The following AP3B1 variants were observed in gnomAD, a reference collection of about 807,000 sequenced individuals.
AP3B1 encodes the protein adaptor related protein complex 3 subunit beta 1, also known as AP-3 complex subunit beta-1.
A neutral mutation model predicts 132.5 loss-of-function variants in AP3B1; 61 were observed. The observed-to-expected ratio is 0.46, with a 90% CI of 0.37 to 0.57. The LOEUF is 0.57. AP3B1 is among the 20% of genes least tolerant of loss of function. The probability of loss-of-function intolerance (pLI) is 0.00; values close to 1 mark genes in which losing one functional copy is unlikely to be tolerated. For synonymous variants in AP3B1, 388 were observed against 438.3 expected, an observed-to-expected ratio of 0.89 and a Z score of 1.43; for missense variants, 1,120 against 1,289.4, an observed-to-expected ratio of 0.87 and a Z score of 2.01.
intron 14 of AP3B1, among the ~76,000 whole-genome samples, chr5:78,154,680 AG>A (rs1354840436): frequency 6.6e-6 from 1 of 152,076 alleles, no homozygotes; most frequent in East Asian, 1.9e-4. Flanking sequence ...GTATTTTCAA[AG>A]AGCCTGTCTT....
intron 21 of AP3B1, among the ~76,000 whole-genome samples, chr5:78,097,907 G>A (rs1336127906): frequency 6.6e-6 from 1 of 152,234 alleles, no homozygotes; most frequent in African/African-American, 2.4e-5. Flanking sequence ...GGTAGACATG[G>A]GAGACTTTTC....
intron 13 of AP3B1, among the ~76,000 whole-genome samples, chr5:78,160,848 C>T (rs1743360156): frequency 6.6e-6 from 1 of 151,820 alleles, no homozygotes; most frequent in Admixed American, 6.6e-5. Context: ...ATTTGTTTTA[C>T]CTCTCACTTT....
chr5:78,062,912 GC>G (rs1205417911), intron 22 of AP3B1, among the ~76,000 whole-genome samples: 1 of 152,236 alleles, frequency 6.6e-6, no homozygotes, highest in East Asian at 1.9e-4. Context: ...ATTATGATGG[GC>G]CCCACTCAAT....
chr5:78,197,024 T>C (rs967980965), intron 7 of AP3B1, among the ~76,000 whole-genome samples: 3 of 152,306 alleles, frequency 2.0e-5, no homozygotes, highest in Non-Finnish European at 4.4e-5. Context: ...CTGTGGACTT[T>C]GGGTGACAAC....
chr5:78,099,404 G>A (rs1467564493), intron 21 of AP3B1, among the ~76,000 whole-genome samples: 1 of 152,114 alleles, frequency 6.6e-6, no homozygotes, highest in Non-Finnish European at 1.5e-5. Flanking sequence ...TGTGACAAAT[G>A]CATAAAAACA....
At chr5:78,135,171 T>C (rs760601716) in intron 15 of AP3B1, among the ~76,000 whole-genome samples, 28 of 152,178 alleles carry the variant, frequency 1.8e-4, no homozygotes, top group Non-Finnish European at 3.7e-4. Context: ...CAGTGTGATT[T>C]ACAAAATCTC....
chr5:78,097,287 G>C (rs1172079691), intron 21 of AP3B1, among the ~76,000 whole-genome samples: 2 of 112,110 alleles, frequency 1.8e-5, no homozygotes, highest in African/African-American at 7.6e-5. Context: ...AGGGAGGTGG[G>C]GGGGTCAGCC....
At chr5:78,180,889 T>C (rs1260741403) in intron 8 of AP3B1, among the ~76,000 whole-genome samples, 2 of 151,932 alleles carry the variant, frequency 1.3e-5, no homozygotes, top group Admixed American at 1.3e-4. Flanking sequence ...ATTGTGCACA[T>C]GTATTCTTCT....
At chr5:78,067,085 C>T (rs756565997) in intron 22 of AP3B1, among the ~76,000 whole-genome samples, 30 of 152,100 alleles carry the variant, frequency 2.0e-4, no homozygotes, top group South Asian at 1.5e-3. Context: ...ATCTACCAAA[C>T]AAATGAAAAG....
chr5:78,029,945 T>C (rs1747501312), intron 24 of AP3B1, among the ~76,000 whole-genome samples: 1 of 152,204 alleles, frequency 6.6e-6, no homozygotes, highest in Admixed American at 6.5e-5. Flanking sequence ...AATTCTCTTC[T>C]CAGACATAAC....
intron 26 of AP3B1, among the ~76,000 whole-genome samples, chr5:78,010,643 A>G (rs1340589987): frequency 6.6e-6 from 1 of 152,148 alleles, no homozygotes; most frequent in Non-Finnish European, 1.5e-5. Flanking sequence ...TTTCACAGAG[A>G]ATCACATGAA....
intron 1 of AP3B1, among the ~76,000 whole-genome samples, chr5:78,277,057 T>G (rs2112576413): frequency 6.6e-6 from 1 of 152,276 alleles, no homozygotes; most frequent in East Asian, 1.9e-4. Context: ...GACTAACATG[T>G]TTTGCATTTA....
rs539585562 is a variant in AP3B1 at position 78,197,025 on chromosome 5, G to A, written c.787-15363C>T. Among the ~76,000 whole-genome samples, 15 of 152,238 alleles carry A rather than the reference G, an allele frequency of 9.9e-5. No homozygotes were observed. In the East Asian group the frequency reaches 2.9e-3, roughly 29 times the overall value. ...AACCCTAATGTAAACTGTGGACTTTGGGTGACAACAATATTAATGTAAATT... is the reference window on the plus strand; with the variant it reads ...AACCCTAATGTAAACTGTGGACTTTAGGTGACAACAATATTAATGTAAATT... On this transcript the variant is annotated intron_variant, in intron 7 of 26. Coordinates refer to ENST00000255194, the MANE Select transcript of AP3B1 (RefSeq NM_003664.5).
At chr5:78,149,238 A>T (rs140423851) in intron 14 of AP3B1, among the ~76,000 whole-genome samples, 1 of 152,322 alleles carries the variant, frequency 6.6e-6, no homozygotes, top group East Asian at 1.9e-4. Flanking sequence ...CAGATAGATT[A>T]TAAATGGAAG....
At chr5:78,053,448 G>A (rs746306533) in intron 22 of AP3B1, among the ~76,000 whole-genome samples, 8 of 152,158 alleles carry the variant, frequency 5.3e-5, no homozygotes, top group South Asian at 2.1e-4. Context: ...TTGGGAGACC[G>A]AGGCCGGTGG....
intron 3 of AP3B1, 37 bp downstream of exon 3, chr5:78,240,825 C>T: frequency 7.0e-7 from 1 of 1,437,460 alleles, no homozygotes; most frequent in Non-Finnish European, 9.8e-7. Flanking sequence ...CCCATGAAAA[C>T]AAAAGGAATC....
intron 1 of AP3B1, among the ~76,000 whole-genome samples, chr5:78,282,321 G>T (rs1455749660): frequency 6.6e-6 from 1 of 151,536 alleles, no homozygotes; most frequent in African/African-American, 2.4e-5. Context: ...TGAGAAATAG[G>T]CTGCTTCTTC....
At chr5:78,089,613 T>C in intron 21 of AP3B1, 114 bp from the exon 22 acceptor site, 4 of 745,102 alleles carry the variant, frequency 5.4e-6, no homozygotes, top group Middle Eastern at 2.5e-4. Flanking sequence ...TTAATAAATG[T>C]ATGACAATTC....
chr5:78,094,788 C>T (rs1311171768), intron 21 of AP3B1, among the ~76,000 whole-genome samples: 1 of 152,078 alleles, frequency 6.6e-6, no homozygotes, highest in Non-Finnish European at 1.5e-5. Context: ...TTAAGCAATT[C>T]TCCTGCTGCA....
Sources: allele counts gnomAD v4.1 joint callset (sites outside exome capture counted in the v4.1 genomes callset), GRCh38; gene constraint gnomAD v4.1.1; transcripts MANE v1.5; gene names NCBI Gene and HGNC (gene_info 2026-07-23, HGNC 2026-07-21).